BARD1: variants seen among roughly 807,000 people sequenced by gnomAD.
BARD1 encodes the protein BRCA1-associated RING domain protein 1.
A neutral mutation model predicts 77.0 loss-of-function variants in BARD1; 73 were observed. The observed-to-expected ratio is 0.95, with a 90% CI of 0.79 to 1.15. BARD1 has a LOEUF of 1.15. BARD1 is among the 50% of genes most tolerant of loss of function. The pLI is 0.00. For missense variants in BARD1, 993 were observed against 938.8 expected, an observed-to-expected ratio of 1.06 and a Z score of -0.75; for synonymous variants, 384 against 338.0, an observed-to-expected ratio of 1.14 and a Z score of -1.49.
chr2:214,804,873 C>T (rs895805317), intron 1 of BARD1, among the ~76,000 whole-genome samples: 1 of 152,144 alleles, frequency 6.6e-6, no homozygotes, highest in East Asian at 1.9e-4. Context: ...AAAATCTATT[C>T]GCATCTCGGC....
chr2:214,809,263 T>C, intron 1 of BARD1, 149 bp downstream of exon 1: 4 of 1,096,318 alleles, frequency 3.6e-6, no homozygotes, highest in East Asian at 2.6e-5. Context: ...TTGTTAATAC[T>C]ATATCCCCCG....
chr2:214,796,761 G>A (rs1296568549), intron 2 of BARD1: 4 of 337,912 alleles, frequency 1.2e-5, no homozygotes, highest in Non-Finnish European at 1.6e-5. Flanking sequence ...AAATTTAACT[G>A]GAAAATTTAA....
chr2:214,742,659 A>C (rs11888871), intron 9 of BARD1, among the ~76,000 whole-genome samples: 3 of 152,202 alleles, frequency 2.0e-5, no homozygotes, highest in African/African-American at 7.2e-5. Context: ...TTCTATAAAA[A>C]CGACACGGCC....
rs561342911 is a variant in BARD1 at position 214,778,504 on chromosome 2, G to A, written c.1314+2056C>T. ...CTAAGCAAACTGACAAAACTCATAT[G>A]AAGTAATCTTGAACGTATTAATAGA... On this transcript the variant is annotated intron_variant, in intron 4 of 10. Transcript: ENST00000260947. 1.1e-4 allele frequency among the ~76,000 whole-genome samples: 16 copies of A among 152,190 alleles called. No individual in the cohort carries two copies. In the Middle Eastern group the frequency reaches 0.017, roughly 162 times the overall value.
At chr2:214,745,592 T>G in intron 8 of BARD1, 130 bp downstream of exon 8, 1 of 1,167,970 alleles carries the variant, frequency 8.6e-7, no homozygotes, top group East Asian at 2.4e-5. Flanking sequence ...TTTAGATGTA[T>G]TACAAGATGC....
At chr2:214,760,924 A>G (rs6719386) in intron 6 of BARD1, among the ~76,000 whole-genome samples, 62,193 of 150,018 alleles carry the variant, frequency 0.41, 12,940 homozygotes, top group South Asian at 0.5. Context: ...ACAGGCGCCC[A>G]CCACCACGCC....
At chr2:214,776,821 T>C (rs570330488) in intron 4 of BARD1, among the ~76,000 whole-genome samples, 44 of 152,290 alleles carry the variant, frequency 2.9e-4, no homozygotes, top group African/African-American at 1.0e-3. Context: ...AGTAGCCCAA[T>C]TTAATCGTAT....
At chr2:214,756,109 T>C (rs531711891) in intron 6 of BARD1, among the ~76,000 whole-genome samples, 1 of 152,284 alleles carries the variant, frequency 6.6e-6, no homozygotes, top group African/African-American at 2.4e-5. Flanking sequence ...AAATCTCATG[T>C]CAAATTATAA....
chr2:214,792,947 A>G (rs1695599267), intron 2 of BARD1, among the ~76,000 whole-genome samples: 1 of 152,176 alleles, frequency 6.6e-6, no homozygotes. Context: ...TGGGTTATCT[A>G]AGGACTAAAG....
At position 214,747,404 on chromosome 2, in the gene BARD1, C is replaced by T. The variant is rs563891394; in HGVS notation, c.1678-1550G>A. Among the ~76,000 whole-genome samples, 7 of 138,616 alleles carry T rather than the reference C, an allele frequency of 5.0e-5. 1 individual carries two copies. In the South Asian group the frequency reaches 1.7e-3, roughly 33 times the overall value. 90.9% of individuals were successfully genotyped at this position (138,616 alleles called of 152,430 possible). On this transcript the variant is annotated intron_variant, in intron 7 of 10. Coordinates refer to ENST00000260947, the MANE Select transcript of BARD1 (RefSeq NM_000465.4). ...TCGTGCTGCTATAAAGACACATGCA[C>T]ACGTATGTTTACTGCGGCACTATTC...
At chr2:214,778,857 GAAAA>G (rs1319091267) in intron 4 of BARD1, among the ~76,000 whole-genome samples, 7 of 152,090 alleles carry the variant, frequency 4.6e-5, no homozygotes, top group African/African-American at 1.7e-4. Context: ...ATGGTTAGAA[GAAAA>G]AGTCGCCACC....
intron 6 of BARD1, among the ~76,000 whole-genome samples, chr2:214,766,565 A>G (rs1057127991): frequency 3.3e-5 from 5 of 152,104 alleles, no homozygotes; most frequent in African/African-American, 1.2e-4. Context: ...TCTCCCCCAA[A>G]TATGTCAGCA....
Position 214,726,674 on chromosome 2 carries a change from G to A in BARD1, c.*2002C>T, listed in dbSNP as rs1184210492. On this transcript the variant is annotated 3_prime_UTR_variant, in exon 11 of 11. Transcript: ENST00000260947. Reference sequence around the variant, plus strand: ...TTAATGATTTGTGGTAAAAAAGAAGGAAGCTTGAATCTATGATTGAAAAAT... The same window carrying A: ...TTAATGATTTGTGGTAAAAAAGAAGAAAGCTTGAATCTATGATTGAAAAAT... The A allele has an allele frequency of 4.4e-6, 1 of 229,422 alleles. No individual in the cohort carries two copies. The highest frequency in any genetic ancestry group is 6.2e-5 in the East Asian group (1 of 16,008). 14.2% of individuals were successfully genotyped at this position (229,422 alleles called of 1,614,324 possible).
intron 6 of BARD1, among the ~76,000 whole-genome samples, chr2:214,766,864 T>C (rs1694226134): frequency 6.6e-6 from 1 of 152,188 alleles, no homozygotes; most frequent in African/African-American, 2.4e-5. Flanking sequence ...TTGTGAAGGT[T>C]TGTTATATAG....
At chr2:214,779,418 T>C (rs1309536807) in intron 4 of BARD1, among the ~76,000 whole-genome samples, 1 of 152,214 alleles carries the variant, frequency 6.6e-6, no homozygotes, top group African/African-American at 2.4e-5. Context: ...TGCGTATTGT[T>C]ATTGGCTTTT....
intron 4 of BARD1, among the ~76,000 whole-genome samples, chr2:214,772,386 A>G (rs1331967055): frequency 6.6e-6 from 1 of 152,196 alleles, no homozygotes; most frequent in East Asian, 1.9e-4. Flanking sequence ...TATCTTTAAC[A>G]TGAAAGTACT....
At chr2:214,788,081 T>C (rs1471808912) in intron 3 of BARD1, among the ~76,000 whole-genome samples, 1 of 151,980 alleles carries the variant, frequency 6.6e-6, no homozygotes, top group East Asian at 1.9e-4. Flanking sequence ...AAAAAAGTCA[T>C]AGCATATATG....
At chr2:214,782,810 A>G (rs761437910) in intron 3 of BARD1, among the ~76,000 whole-genome samples, 39 of 152,210 alleles carry the variant, frequency 2.6e-4, no homozygotes, top group Non-Finnish European at 2.6e-4. Context: ...TTGTAGAATT[A>G]CCACTCTGAC....
chr2:214,781,627 C>T, intron 3 of BARD1, 118 bp from the exon 4 acceptor site: 3 of 749,824 alleles, frequency 4.0e-6, no homozygotes, highest in Non-Finnish European at 6.5e-6. Flanking sequence ...TTATGTACTT[C>T]TTTCTCAGCT....
Sources: gnomAD v4.1 joint callset for allele counts (sites outside exome capture counted in the v4.1 genomes callset) on GRCh38, gnomAD v4.1.1 for gene constraint, MANE v1.5 for transcripts, NCBI Gene and HGNC (gene_info 2026-07-23, HGNC 2026-07-21) for gene names.